Variants in TMEM232 observed in about 807,000 individuals in gnomAD.
TMEM232 encodes transmembrane protein 232.
In TMEM232, 80 loss-of-function variants were observed where a neutral mutation model predicts 78.8. The ratio of observed to expected loss-of-function variants is 1.01; its 90% CI spans 0.85 to 1.22. The LOEUF (loss-of-function observed/expected upper bound fraction) is 1.22. TMEM232 is among the 50% of genes most tolerant of loss of function. TMEM232 has a pLI of 0.00. For missense variants in TMEM232, 881 were observed against 742.2 expected, an observed-to-expected ratio of 1.19 and a Z score of -2.17; for synonymous variants, 297 against 254.3, an observed-to-expected ratio of 1.17 and a Z score of -1.60.
chr5:110,641,584 T>C (rs530421150), intron 3 of TMEM232, among the ~76,000 whole-genome samples: 1 of 152,220 alleles, frequency 6.6e-6, no homozygotes, highest in South Asian at 2.1e-4. Flanking sequence ...TAATCAAATT[T>C]TTTTCAAAAT....
intron 12 of TMEM232, among the ~76,000 whole-genome samples, chr5:110,490,125 G>GAA (rs781254893): frequency 2.4e-3 from 92 of 38,848 alleles, no homozygotes; most frequent in Middle Eastern, 0.02. Context: ...GTTTCAAAAA[G>GAA]AAAGAAAGAA....
chr5:110,551,196 TCTAA>T (rs1335449808), intron 11 of TMEM232, among the ~76,000 whole-genome samples: 12 of 152,002 alleles, frequency 7.9e-5, no homozygotes, highest in African/African-American at 2.4e-4. Context: ...GAGTGTAAAG[TCTAA>T]CTTTTTGTTT....
chr5:110,664,845 T>TGG (rs1790342606), intron 2 of TMEM232, among the ~76,000 whole-genome samples: 1 of 152,122 alleles, frequency 6.6e-6, no homozygotes, highest in Non-Finnish European at 1.5e-5. Flanking sequence ...CCCAATTACC[T>TGG]CCCAAAGGCC....
chr5:110,500,034 G>A (rs1375228929), intron 12 of TMEM232, among the ~76,000 whole-genome samples: 1 of 152,092 alleles, frequency 6.6e-6, no homozygotes, highest in African/African-American at 2.4e-5. Context: ...GCTCACGCCT[G>A]TAATCCCAGC....
intron 4 of TMEM232, among the ~76,000 whole-genome samples, chr5:110,389,486 A>G (rs372883494): frequency 2.0e-5 from 3 of 152,216 alleles, no homozygotes; most frequent in Non-Finnish European, 2.9e-5. Context: ...AGAATTTGAG[A>G]AAATTCTCTT....
At chr5:110,626,157 G>A (rs1346665858) in intron 6 of TMEM232, among the ~76,000 whole-genome samples, 1 of 151,786 alleles carries the variant, frequency 6.6e-6, no homozygotes, top group African/African-American at 2.4e-5. Context: ...GCACAATTTG[G>A]GGATTTTATT....
At chr5:110,609,050 A>T (rs1781855814) in intron 8 of TMEM232, among the ~76,000 whole-genome samples, 1 of 152,106 alleles carries the variant, frequency 6.6e-6, no homozygotes, top group Non-Finnish European at 1.5e-5. Flanking sequence ...TATAGAAGTT[A>T]GGAACATCAG....
chr5:110,590,367 G>A (rs73224360), intron 10 of TMEM232, among the ~76,000 whole-genome samples: 331 of 152,240 alleles, frequency 2.2e-3, no homozygotes, highest in African/African-American at 7.3e-3. Context: ...TACAATAGGA[G>A]ATGAATGGCC....
intron 12 of TMEM232, among the ~76,000 whole-genome samples, chr5:110,503,803 TA>T (rs1766547405): frequency 6.6e-6 from 1 of 152,242 alleles, no homozygotes; most frequent in Non-Finnish European, 1.5e-5. Context: ...CCTTCTGCTT[TA>T]AAAACACTAA....
intron 1 of TMEM232, among the ~76,000 whole-genome samples, chr5:110,721,798 T>C (rs931001401): frequency 1.2e-4 from 18 of 150,236 alleles, no homozygotes; most frequent in African/African-American, 3.9e-4. Context: ...AAGAAAGACA[T>C]AGTTTAAACA....
chr5:110,557,219 T>G (rs1775201963), intron 11 of TMEM232, among the ~76,000 whole-genome samples: 1 of 152,206 alleles, frequency 6.6e-6, no homozygotes, highest in Admixed American at 6.5e-5. Context: ...CTCAGCTCTA[T>G]CAGATCAGTT....
At chr5:110,445,422 C>A (rs893205310) in intron 12 of TMEM232, among the ~76,000 whole-genome samples, 2 of 152,056 alleles carry the variant, frequency 1.3e-5, no homozygotes, top group African/African-American at 4.8e-5. Context: ...CCAAATTTTC[C>A]TCATGCTCTT....
chr5:110,478,989 A>G lies in TMEM232; in HGVS notation c.1703+49599T>C, dbSNP rs140166600. On this transcript the variant is annotated intron_variant, in intron 12 of 13. Coordinates refer to ENST00000455884, the MANE Select transcript of TMEM232 (RefSeq NM_001039763.4). ...GATTGGTATCCTTGATTGGGACTTA[A>G]AGTGTTACTGAGTCTGCGGTTAGGT... is the stretch of plus-strand genomic sequence containing the variant. Among the ~76,000 whole-genome samples the G allele has an allele frequency of 6.0e-5, 9 of 150,362 alleles. No individual in the cohort carries two copies. The East Asian group carries it at 1.8e-3, about 29-fold the overall frequency.
At chr5:110,449,950 T>G (rs969722107) in intron 12 of TMEM232, among the ~76,000 whole-genome samples, 6 of 152,266 alleles carry the variant, frequency 3.9e-5, no homozygotes, top group African/African-American at 1.4e-4. Flanking sequence ...AGATCTCATG[T>G]TAAATTGTAA....
intron 12 of TMEM232, among the ~76,000 whole-genome samples, chr5:110,513,611 C>T (rs1768128255): frequency 6.6e-6 from 1 of 151,940 alleles, no homozygotes; most frequent in Non-Finnish European, 1.5e-5. Flanking sequence ...CACTAATCAT[C>T]AGGGAAATGC....
chr5:110,619,053 CAAAT>C (rs1279343805), intron 7 of TMEM232, among the ~76,000 whole-genome samples: 2 of 152,146 alleles, frequency 1.3e-5, no homozygotes, highest in African/African-American at 4.8e-5. Context: ...ATTCAGATAA[CAAAT>C]AAGCTGTTGT....
intron 12 of TMEM232, among the ~76,000 whole-genome samples, chr5:110,462,897 A>C (rs1233704865): frequency 6.6e-6 from 1 of 152,206 alleles, no homozygotes; most frequent in Non-Finnish European, 1.5e-5. Flanking sequence ...AAATTTGAAC[A>C]TATGTGGAGT....
intron 1 of TMEM232, among the ~76,000 whole-genome samples, chr5:110,676,594 G>GTATT (rs1792057455): frequency 6.6e-6 from 1 of 151,586 alleles, no homozygotes; most frequent in Admixed American, 6.6e-5. Context: ...ATGTATGTAT[G>GTATT]TATTTATTTA....
exon 1 of TMEM232, chr5:110,738,006 A>G (rs538072982): frequency 4.4e-6 from 1 of 227,360 alleles, no homozygotes; most frequent in East Asian, 1.2e-4. Flanking sequence ...ACACCCATAA[A>G]AAATAAAAAG....
Sources: gnomAD v4.1 joint callset for allele counts (sites outside exome capture counted in the v4.1 genomes callset) on GRCh38, gnomAD v4.1.1 for gene constraint, MANE v1.5 for transcripts, NCBI Gene and HGNC (gene_info 2026-07-23, HGNC 2026-07-21) for gene names.